The following BCAT1 variants were observed in gnomAD, a reference collection of about 807,000 sequenced individuals.
BCAT1 encodes branched chain amino acid transaminase 1.
BCAT1 carries 48 observed loss-of-function variants against 52.4 expected under a neutral mutation model. The observed-to-expected ratio is 0.92, with a 90% CI of 0.73 to 1.16. BCAT1 has a LOEUF of 1.16. BCAT1 is among the 50% of genes most tolerant of loss of function. BCAT1 has a pLI of 0.00. For missense variants in BCAT1, 451 were observed against 457.1 expected, an observed-to-expected ratio of 0.99 and a Z score of 0.12; for synonymous variants, 167 against 161.3, an observed-to-expected ratio of 1.04 and a Z score of -0.27.
chr12:24,928,713 G>T (rs1943633263), intron 1 of BCAT1, among the ~76,000 whole-genome samples: 1 of 93,184 alleles, frequency 1.1e-5, no homozygotes, highest in Non-Finnish European at 2.3e-5. Context: ...GTTTGTTGTT[G>T]TTGTTGTTGT....
intron 10 of BCAT1, among the ~76,000 whole-genome samples, chr12:24,818,687 CTG>C (rs1407113396): frequency 1.3e-5 from 2 of 152,154 alleles, no homozygotes; most frequent in African/African-American, 4.8e-5. Flanking sequence ...GTTGTTCATG[CTG>C]TGTTAGCATT....
At chr12:24,849,749 G>T in intron 6 of BCAT1, 37 bp downstream of exon 6, 1 of 1,573,474 alleles carries the variant, frequency 6.4e-7, no homozygotes, top group Non-Finnish European at 8.7e-7. Flanking sequence ...GGTCATGAAG[G>T]TGTCTTTCCT....
chr12:24,838,002 C>T (rs1449060646), intron 7 of BCAT1, among the ~76,000 whole-genome samples: 1 of 152,206 alleles, frequency 6.6e-6, no homozygotes, highest in Non-Finnish European at 1.5e-5. Context: ...ACAAGCTCTC[C>T]TTACAGTACC....
At position 24,815,101 on chromosome 12, in the gene BCAT1, C is replaced by T. The variant is rs1277830814; in HGVS notation, c.*2907G>A. The T allele has an allele frequency of 2.0e-5, 3 of 152,092 alleles. No individual in the cohort carries two copies. Among genetic ancestry groups the T allele is most frequent in the Non-Finnish European group, 4.4e-5 (3 of 68,028 alleles). The allele number at this position is 152,092 out of a possible 1,614,324, so 9.4% of individuals were successfully genotyped here. Reference sequence around the variant, plus strand: ...CTGCCACAAAGAAAATTTCTAACAGCAAATCTTTTTAGGAACTGCTCAGGT... The same window carrying T: ...CTGCCACAAAGAAAATTTCTAACAGTAAATCTTTTTAGGAACTGCTCAGGT... On this transcript the variant is annotated 3_prime_UTR_variant, in exon 11 of 11. Coordinates refer to ENST00000261192, the MANE Select transcript of BCAT1 (RefSeq NM_005504.7).
intron 2 of BCAT1, among the ~76,000 whole-genome samples, chr12:24,896,336 C>T (rs1213782538): frequency 6.6e-6 from 1 of 152,224 alleles, no homozygotes; most frequent in South Asian, 2.1e-4. Flanking sequence ...CCAAATGCAG[C>T]CAGCTGGCCT....
chr12:24,927,603 G>T (rs186684479), intron 1 of BCAT1, among the ~76,000 whole-genome samples: 18 of 152,268 alleles, frequency 1.2e-4, no homozygotes, highest in Admixed American at 9.1e-4. Flanking sequence ...CATTTTGGAA[G>T]GTAGAAAGCT....
chr12:24,815,095 T>C lies in BCAT1; in HGVS notation c.*2913A>G, dbSNP rs746072204. 2.0e-5 allele frequency: 3 copies of C among 152,192 alleles called. No homozygotes were observed. The highest frequency in any genetic ancestry group is 2.9e-5 in the Non-Finnish European group (2 of 68,038). The allele number at this position is 152,192 out of a possible 1,614,324, so 9.4% of individuals were successfully genotyped here. ...AAATGACTGCCACAAAGAAAATTTC[T>C]AACAGCAAATCTTTTTAGGAACTGC... On this transcript the variant is annotated 3_prime_UTR_variant, in exon 11 of 11. Coordinates refer to ENST00000261192, the MANE Select transcript of BCAT1 (RefSeq NM_005504.7).
At chr12:24,878,162 G>A (rs1303374866) in intron 5 of BCAT1, among the ~76,000 whole-genome samples, 2 of 149,822 alleles carry the variant, frequency 1.3e-5, no homozygotes, top group East Asian at 3.9e-4. Flanking sequence ...AAAAACCAGA[G>A]AGAGACCTCA....
At chr12:24,862,916 C>G (rs1007168091) in intron 5 of BCAT1, among the ~76,000 whole-genome samples, 19 of 152,180 alleles carry the variant, frequency 1.2e-4, no homozygotes, top group African/African-American at 4.6e-4. Context: ...TCCTTTAGTT[C>G]TAGCCAATAA....
At chr12:24,862,845 G>C (rs1941886289) in intron 5 of BCAT1, among the ~76,000 whole-genome samples, 1 of 151,846 alleles carries the variant, frequency 6.6e-6, no homozygotes, top group Non-Finnish European at 1.5e-5. Context: ...TCTGATGCTA[G>C]TCCTAACATT....
At chr12:24,869,303 A>G (rs556177847) in intron 5 of BCAT1, among the ~76,000 whole-genome samples, 1 of 152,190 alleles carries the variant, frequency 6.6e-6, no homozygotes, top group African/African-American at 2.4e-5. Context: ...CACACTGGGG[A>G]GCCACAGACG....
Position 24,931,785 on chromosome 12 carries a change from T to C in BCAT1, c.6+17142A>G, listed in dbSNP as rs956863438. Among the ~76,000 whole-genome samples the C allele has an allele frequency of 4.6e-5, 7 of 152,164 alleles. No individual in the cohort carries two copies. In the East Asian group the frequency reaches 1.2e-3, roughly 25 times the overall value. ...TCTTTATCTAAAAACAACTAGAGCA[T>C]ACGTGCAACACAAATGAGGAAGTAA... On this transcript the variant is annotated intron_variant, in intron 1 of 10. Transcript: ENST00000261192.
intron 5 of BCAT1, among the ~76,000 whole-genome samples, chr12:24,874,515 C>A (rs1942273480): frequency 6.6e-6 from 1 of 152,184 alleles, no homozygotes. Context: ...TGGAAGTGAA[C>A]TCAACACTGC....
chr12:24,834,359 T>C (rs967504220), intron 8 of BCAT1: 2 of 985,166 alleles, frequency 2.0e-6, no homozygotes, highest in East Asian at 1.1e-4. Flanking sequence ...CATTGACTTC[T>C]GCCAAAGTGT....
intron 10 of BCAT1, among the ~76,000 whole-genome samples, chr12:24,825,340 T>C (rs961621105): frequency 6.6e-6 from 1 of 152,142 alleles, no homozygotes; most frequent in Non-Finnish European, 1.5e-5. Context: ...GAAGTTCTAG[T>C]TCTACTTTTA....
chr12:24,834,833 C>G (rs2139396941), intron 8 of BCAT1: 1 of 1,084,516 alleles, frequency 9.2e-7, no homozygotes, highest in African/African-American at 1.7e-5. Flanking sequence ...AAAGAAAACT[C>G]TTTTGTAAAT....
intron 1 of BCAT1, among the ~76,000 whole-genome samples, chr12:24,907,059 C>T (rs1943237539): frequency 6.6e-6 from 1 of 152,236 alleles, no homozygotes; most frequent in South Asian, 2.1e-4. Flanking sequence ...CCAGATTCTG[C>T]CTTCTGCCTC....
intron 6 of BCAT1, among the ~76,000 whole-genome samples, chr12:24,847,018 C>T (rs1941365866): frequency 6.6e-6 from 1 of 152,156 alleles, no homozygotes; most frequent in Admixed American, 6.5e-5. Context: ...AGCTTTTAAC[C>T]ATTAGGTTAT....
chr12:24,828,924 T>G (rs1039956636), intron 10 of BCAT1, among the ~76,000 whole-genome samples: 11 of 151,958 alleles, frequency 7.2e-5, no homozygotes, highest in African/African-American at 2.7e-4. Flanking sequence ...GAAGAATCGC[T>G]TGAACCCAGG....
Sources: gnomAD v4.1 joint callset for allele counts (sites outside exome capture counted in the v4.1 genomes callset) on GRCh38, gnomAD v4.1.1 for gene constraint, MANE v1.5 for transcripts, NCBI Gene and HGNC (gene_info 2026-07-23, HGNC 2026-07-21) for gene names.